CREBRF: variants seen among roughly 807,000 people sequenced by gnomAD.
CREBRF encodes UPF0474 protein C5orf41.
Under a neutral mutation model 66.1 loss-of-function variants are expected in CREBRF, and 5 were observed. The observed-to-expected ratio is 0.08, with a 90% CI of 0.04 to 0.16. CREBRF has a LOEUF of 0.16. Among genes scored for constraint, CREBRF ranks in the 10% least tolerant of loss-of-function variants. The pLI, the probability that CREBRF is intolerant of heterozygous loss-of-function variation, is 1.00. For missense variants in CREBRF, 531 were observed against 744.9 expected (o/e 0.71, Z 3.34); for synonymous variants, 229 against 264.4 (o/e 0.87, Z 1.30).
intron 1 of CREBRF, among the ~76,000 whole-genome samples, chr5:173,070,532 A>G (rs1392135706): frequency 2.0e-5 from 3 of 152,142 alleles, no homozygotes; most frequent in African/African-American, 7.2e-5. Flanking sequence ...GGAGAGAACA[A>G]TATAACATGC....
chr5:173,075,200 A>C (rs1178863171), intron 1 of CREBRF, among the ~76,000 whole-genome samples: 1 of 152,232 alleles, frequency 6.6e-6, no homozygotes, highest in African/African-American at 2.4e-5. Flanking sequence ...AATAATCATG[A>C]CAAACTATAA....
chr5:173,080,194 AATG>A (rs1757898140), intron 1 of CREBRF, among the ~76,000 whole-genome samples: 1 of 152,230 alleles, frequency 6.6e-6, no homozygotes, highest in Non-Finnish European at 1.5e-5. Flanking sequence ...ATTTAGCAGT[AATG>A]ATTATACAAT....
chr5:173,115,645 GT>G (rs200060998), intron 7 of CREBRF, among the ~76,000 whole-genome samples: 2 of 148,504 alleles, frequency 1.3e-5, no homozygotes, highest in African/African-American at 4.9e-5. Context: ...GTTTTGCTTT[GT>G]TTTTTTTTTG....
rs1757043126 is a variant in CREBRF at position 173,056,473 on chromosome 5, C to A, written c.-198C>A. 2.5e-6 allele frequency: 1 copy of A among 398,544 alleles called. No individual in the cohort carries two copies. The highest frequency in any genetic ancestry group is 4.4e-6 in the Non-Finnish European group (1 of 226,046). 24.7% of individuals were successfully genotyped at this position (398,544 alleles called of 1,614,324 possible). On this transcript the variant is annotated 5_prime_UTR_variant, in exon 1 of 9. Transcript: ENST00000296953. ...ACCCAGTCCCTGAGCCGCCCCTACA[C>A]CCACAGGTGAGCGCCGCCACCCGCT...
At chr5:173,095,388 A>T (rs1271281921) in intron 4 of CREBRF, among the ~76,000 whole-genome samples, 1 of 151,754 alleles carries the variant, frequency 6.6e-6, no homozygotes, top group East Asian at 1.9e-4. Context: ...ACGGGGTTTC[A>T]CTGTCTTAGC....
At position 173,086,243 on chromosome 5, in the gene CREBRF, A is replaced by G. The variant is rs532476534; in HGVS notation, c.10-258A>G. On this transcript the variant is annotated intron_variant, in intron 2 of 8. Transcript: ENST00000296953. ...TTTTGTATCCACTTTAAATATTTCA[A>G]ATCTGATGTTGACCTCAGCTTCTCC... is the stretch of plus-strand genomic sequence containing the variant. 2.1e-3 allele frequency: 1,539 copies of G among 724,944 alleles called. 26 individuals carry two copies. Among genetic ancestry groups the G allele is most frequent in the South Asian group, 0.016 (1,091 of 66,704 alleles). 44.9% of individuals were successfully genotyped at this position (724,944 alleles called of 1,614,324 possible). A position where few individuals can be genotyped will look rare whatever the true frequency, so the allele number is the denominator to read the frequency against.
At chr5:173,111,458 G>A (rs1240776451) in intron 6 of CREBRF, among the ~76,000 whole-genome samples, 2 of 152,136 alleles carry the variant, frequency 1.3e-5, no homozygotes, top group Admixed American at 6.6e-5. Context: ...GTAGAGATGG[G>A]GTTTCACCAT....
rs1209741074 is a variant in CREBRF at position 173,117,672 on chromosome 5, TTCTC to T, written c.1681+5308_1681+5311del. 8.8e-5 allele frequency among the ~76,000 whole-genome samples: 11 copies of T among 124,396 alleles called. No individual in the cohort carries two copies. The East Asian group carries it at 9.4e-4, about 11-fold the overall frequency. 81.6% of individuals were successfully genotyped at this position (124,396 alleles called of 152,430 possible). On this transcript the variant is annotated intron_variant, in intron 7 of 8. Transcript: ENST00000296953. ...TCTCTCTCTCTCTCTCTCTTTCTTT[TTCTC>T]TCTCTCTCTCTCTCCTCCTCTTCCC... is the stretch of plus-strand genomic sequence containing the variant.
At chr5:173,129,269 A>G (rs1339029334) in intron 8 of CREBRF, among the ~76,000 whole-genome samples, 1 of 150,796 alleles carries the variant, frequency 6.6e-6, no homozygotes, top group Non-Finnish European at 1.5e-5. Context: ...GGCACCTGCC[A>G]CTGCGCCCGG....
At chr5:173,079,248 A>G in intron 1 of CREBRF, among the ~76,000 whole-genome samples, 1 of 152,174 alleles carries the variant, frequency 6.6e-6, no homozygotes, top group Non-Finnish European at 1.5e-5. Flanking sequence ...GGGAGAGTGC[A>G]GCAAAGATCC....
intron 2 of CREBRF, chr5:173,085,825 C>T: frequency 1.3e-6 from 1 of 782,112 alleles, no homozygotes; most frequent in Non-Finnish European, 2.4e-6. Context: ...TGATAGGCTT[C>T]TGTTTGTTCT....
At chr5:173,126,825 T>C (rs1370633358) in intron 8 of CREBRF, among the ~76,000 whole-genome samples, 3 of 152,244 alleles carry the variant, frequency 2.0e-5, no homozygotes, top group African/African-American at 7.2e-5. Flanking sequence ...CACTTGTAAA[T>C]GTTTTCCATG....
rs569823325 is a variant in CREBRF at position 173,108,357 on chromosome 5, G to A, written c.1223-267G>A. On this transcript the variant is annotated intron_variant, in intron 4 of 8. Transcript: ENST00000296953. The stretch of plus-strand genomic sequence containing the variant: ...GTTTGAAGATAATAAAAATAGTATC[G>A]TATACTAACTTATAAAAACTAAAAA... 3.9e-5 allele frequency among the ~76,000 whole-genome samples: 6 copies of A among 152,002 alleles called. No individual in the cohort carries two copies. The East Asian group carries it at 5.8e-4, about 15-fold the overall frequency.
chr5:173,129,639 C>G (rs1581052886), intron 8 of CREBRF, among the ~76,000 whole-genome samples: 1 of 148,946 alleles, frequency 6.7e-6, no homozygotes, highest in African/African-American at 2.5e-5. Context: ...GCGAGAGGAT[C>G]GCTTTTGCCC....
At position 173,123,197 on chromosome 5, in the gene CREBRF, C is replaced by T. The variant is rs1398744947; in HGVS notation, c.1799C>T (p.Thr600Ile). ...AAGCTTGAAATCCTCATTAAAGATA[C>T]TCTCGGTAAGAAGAATGCGAGATAA... ...GQKLEILIKD[T>I]LGLPVAGQTS... is the part of the protein sequence containing the mutation. Residue 600 changes from threonine to isoleucine, a missense_variant, in exon 8 of 9, where the codon ACT (threonine) becomes ATT (isoleucine). Physicochemically the swap from Thr to Ile is moderately conservative, Grantham distance 89. Coordinates refer to ENST00000296953, the MANE Select transcript of CREBRF (RefSeq NM_153607.3). 1.9e-6 allele frequency: 3 copies of T among 1,599,518 alleles called. No individual in the cohort carries two copies. The highest frequency in any genetic ancestry group is 1.1e-5 in the South Asian group (1 of 87,886).
chr5:173,133,248 G>A (rs952453333), intron 8 of CREBRF, among the ~76,000 whole-genome samples: 9 of 152,174 alleles, frequency 5.9e-5, no homozygotes, highest in African/African-American at 2.2e-4. Flanking sequence ...CATGGAACTT[G>A]GTGAGTTTAG....
intron 7 of CREBRF, among the ~76,000 whole-genome samples, chr5:173,117,017 T>C (rs1322299014): frequency 6.6e-6 from 1 of 152,230 alleles, no homozygotes; most frequent in East Asian, 1.9e-4. Context: ...GCTGTTCATA[T>C]GTTTTCTTTT....
At position 173,090,648 on chromosome 5, in the gene CREBRF, C is replaced by G. The variant is rs1178527180; in HGVS notation, c.469C>G (p.Pro157Ala). ...SQSVSDSLYYPDSLFSVKQNP... is the reference protein window; with the variant it reads ...SQSVSDSLYYADSLFSVKQNP... ...GTCTGTTTCTGATTCCCTTTATTACCCCGATTCACTTTTCAGTGTCAAACA... is the reference window on the plus strand; with the variant it reads ...GTCTGTTTCTGATTCCCTTTATTACGCCGATTCACTTTTCAGTGTCAAACA... The change falls in exon 4 of 9, where the codon CCC becomes GCC. Residue 157 changes from proline to alanine, a missense_variant. Around this residue, in one of 5 missense-constraint regions of CREBRF, gnomAD observed 133 missense variants for 215.6 expected, o/e 0.62. Coordinates refer to ENST00000296953, the MANE Select transcript of CREBRF (RefSeq NM_153607.3). The surrounding 1 kb of genome is among the most constrained non-coding windows in gnomAD (Gnocchi z 4.5). 1 of 1,613,990 alleles carries G rather than the reference C, an allele frequency of 6.2e-7. No individual in the cohort carries two copies. Among genetic ancestry groups the G allele is most frequent in the African/African-American group, 1.3e-5 (1 of 74,892 alleles).
At chr5:173,107,894 C>T (rs1355388883) in intron 4 of CREBRF, among the ~76,000 whole-genome samples, 3 of 149,144 alleles carry the variant, frequency 2.0e-5, no homozygotes, top group African/African-American at 7.4e-5. Flanking sequence ...TGCTGCGGCA[C>T]AATCTCGGCT....
Sources: allele counts gnomAD v4.1 joint callset (sites outside exome capture counted in the v4.1 genomes callset), GRCh38; gene constraint gnomAD v4.1.1; regional missense constraint gnomAD v4.1.1; non-coding constraint Gnocchi (gnomAD v3.1); transcripts MANE v1.5; gene names NCBI Gene and HGNC (gene_info 2026-07-23, HGNC 2026-07-21).